Variants in UGT2A1 observed in about 807,000 individuals in gnomAD.
UGT2A1 encodes UDP-glucuronosyltransferase 2A1.
A neutral mutation model predicts 45.4 loss-of-function variants in UGT2A1; 61 were observed. The ratio of observed to expected loss-of-function variants is 1.34; its 90% confidence interval spans 1.09 to 1.66. The LOEUF (loss-of-function observed/expected upper bound fraction) is 1.66, where lower values mean the gene tolerates loss of function less well. Among genes scored for constraint, UGT2A1 ranks in the 40% most tolerant of loss-of-function variants. The probability of loss-of-function intolerance (pLI) is 0.00; values close to 1 mark genes in which losing one functional copy is unlikely to be tolerated. For missense variants in UGT2A1, 649 were observed against 574.3 expected (o/e 1.13, Z -1.33); for synonymous variants, 229 against 196.2 (o/e 1.17, Z -1.40).
intron 3 of UGT2A1, among the ~76,000 whole-genome samples, chr4:69,608,679 C>CA (rs755242626): frequency 2.6e-5 from 4 of 151,846 alleles, no homozygotes; most frequent in Non-Finnish European, 4.4e-5. Flanking sequence ...AAAATACACA[C>CA]AAAAAATAAT....
chr4:69,620,486 A>C (rs1369004371), intron 3 of UGT2A1, among the ~76,000 whole-genome samples: 1 of 152,054 alleles, frequency 6.6e-6, no homozygotes, highest in Non-Finnish European at 1.5e-5. Flanking sequence ...GAGATGACAC[A>C]AACAAATGAA....
chr4:69,620,697 A>T (rs1480860360), intron 3 of UGT2A1, among the ~76,000 whole-genome samples: 1 of 151,680 alleles, frequency 6.6e-6, no homozygotes, highest in African/African-American at 2.4e-5. Flanking sequence ...AATGCTAAAC[A>T]AAAAGAACGA....
chr4:69,608,382 G>A (rs1306185184), intron 3 of UGT2A1, among the ~76,000 whole-genome samples: 1 of 143,386 alleles, frequency 7.0e-6, no homozygotes, highest in Non-Finnish European at 1.5e-5. Flanking sequence ...AGAACATATG[G>A]ACACAGGAAG....
chr4:69,617,784 A>C (rs1421926785), intron 3 of UGT2A1, among the ~76,000 whole-genome samples: 1 of 151,862 alleles, frequency 6.6e-6, no homozygotes, highest in Non-Finnish European at 1.5e-5. Flanking sequence ...GGATTTTCTG[A>C]TGTAATTTTC....
intron 3 of UGT2A1, 123 bp downstream of exon 3, chr4:69,635,568 G>A (rs1431521925): frequency 6.0e-6 from 1 of 166,848 alleles, no homozygotes; most frequent in African/African-American, 2.4e-5. Context: ...TGTGGCTCAA[G>A]CCTGTAATCC....
At chr4:69,605,657 C>A (rs910036225) in intron 3 of UGT2A1, among the ~76,000 whole-genome samples, 1 of 135,450 alleles carries the variant, frequency 7.4e-6, no homozygotes, top group Admixed American at 7.3e-5. Flanking sequence ...AAAGATCAAC[C>A]AAACTGATAG....
Position 69,621,827 on chromosome 4 carries a change from AG to A in UGT2A1, c.847+13863del, listed in dbSNP as rs766291542. 3.7e-4 allele frequency among the ~76,000 whole-genome samples: 56 copies of A among 152,110 alleles called. 1 individual carries two copies. The highest frequency in any genetic ancestry group is 7.1e-4 in the Non-Finnish European group (48 of 67,952). On this transcript the variant is annotated intron_variant, in intron 3 of 6. Coordinates refer to ENST00000286604, the MANE Select transcript of UGT2A1 (RefSeq NM_001252275.3). ...CATAGAAAACTACACAGCCATAAAA[AG>A]GAAAGAGAACATGTTTTTTGCAGGA...
intron 3 of UGT2A1, among the ~76,000 whole-genome samples, chr4:69,631,792 C>T (rs1288219620): frequency 2.6e-5 from 4 of 152,098 alleles, no homozygotes. Context: ...TCCACTGATG[C>T]TGGGATACCA....
chr4:69,650,422 G>A (rs1722468608), intron 1 of UGT2A1, among the ~76,000 whole-genome samples: 1 of 152,138 alleles, frequency 6.6e-6, no homozygotes. Flanking sequence ...ACATAATTTA[G>A]ATTTTAGAAT....
In UGT2A1 at chr4:69,613,080, T is replaced by C. The variant is rs577492713; in HGVS notation, c.848-13686A>G. On this transcript the variant is annotated intron_variant, in intron 3 of 6. Transcript: ENST00000286604. ...AAAAAAGACAGGCAAAAGACATGAA[T>C]AGACACTTCACAAAAGAAGACATAC... 7.9e-5 allele frequency among the ~76,000 whole-genome samples: 12 copies of C among 151,736 alleles called. No homozygotes were observed. In the South Asian group the frequency reaches 2.1e-3, roughly 26 times the overall value.
chr4:69,588,429 T>C lies in UGT2A1; in HGVS notation c.*943A>G, dbSNP rs1718376593. 6.6e-6 allele frequency: 1 copy of C among 152,114 alleles called. No homozygotes were observed. The highest frequency in any genetic ancestry group is 1.5e-5 in the Non-Finnish European group (1 of 67,982). 9.4% of individuals were successfully genotyped at this position (152,114 alleles called of 1,614,324 possible). A position where few individuals can be genotyped will look rare whatever the true frequency, so the allele number is the denominator to read the frequency against. ...TAATGCAATGATATCAAATTCCAAGTAAGCATTTTTTATTTTTTGGCATAA... is the reference window on the plus strand; with the variant it reads ...TAATGCAATGATATCAAATTCCAAGCAAGCATTTTTTATTTTTTGGCATAA... On this transcript the variant is annotated 3_prime_UTR_variant, in exon 7 of 7. Coordinates refer to ENST00000286604, the MANE Select transcript of UGT2A1 (RefSeq NM_001252275.3).
intron 2 of UGT2A1, among the ~76,000 whole-genome samples, chr4:69,638,154 C>G (rs1721824252): frequency 6.6e-6 from 1 of 152,130 alleles, no homozygotes; most frequent in African/African-American, 2.4e-5. Context: ...GTAGCATCAT[C>G]TGTTAATTCC....
chr4:69,623,769 A>G (rs1236554401), intron 3 of UGT2A1, among the ~76,000 whole-genome samples: 2 of 151,494 alleles, frequency 1.3e-5, no homozygotes, highest in African/African-American at 2.4e-5. Flanking sequence ...TAATTTAAAT[A>G]AAACCTTTGA....
chr4:69,619,820 T>C (rs1295404258), intron 3 of UGT2A1, among the ~76,000 whole-genome samples: 1 of 152,048 alleles, frequency 6.6e-6, no homozygotes, highest in Non-Finnish European at 1.5e-5. Context: ...CAAATAGGCT[T>C]TATCTGCAGA....
Position 69,589,316 on chromosome 4 carries a change from C to T in UGT2A1, c.*56G>A, listed in dbSNP as rs1718442522. ...CTTTTGTCTGGAATTAATAGGACTA[C>T]ACTACTCAGGATTTTGCCAAACTTA... On this transcript the variant is annotated 3_prime_UTR_variant, in exon 7 of 7. Transcript: ENST00000286604. 2 of 1,502,832 alleles carry T rather than the reference C, an allele frequency of 1.3e-6. No homozygotes were observed. The highest frequency in any genetic ancestry group is 1.4e-5 in the South Asian group (1 of 73,504). The allele number at this position is 1,502,832 out of a possible 1,614,324, so 93.1% of individuals were successfully genotyped here.
chr4:69,641,621 A>T (rs538604535), intron 2 of UGT2A1, among the ~76,000 whole-genome samples: 1 of 151,882 alleles, frequency 6.6e-6, no homozygotes, highest in African/African-American at 2.4e-5. Context: ...GCTTAAATTT[A>T]GATGTACTTT....
chr4:69,589,768 T>C (rs1308412186), intron 6 of UGT2A1, 117 bp from the exon 7 acceptor site: 1 of 1,390,136 alleles, frequency 7.2e-7, no homozygotes, highest in South Asian at 1.5e-5. Flanking sequence ...GTGGAGAAAA[T>C]ATAATTCTTG....
chr4:69,594,479 AG>A lies in UGT2A1; in HGVS notation c.1301del (p.Pro434LeufsTer8). On this transcript the variant is annotated frameshift_variant, in exon 6 of 7. Transcript: ENST00000286604. LOFTEE classifies it high-confidence loss of function. ...LSALRTVINE[P>X]SYKENAMRLS... ...TTTTTAGGAGCCTTAGTACTTACGA[AG>A]GTTCATTAATGACTGTTCTCAAAGC... 1 of 1,614,104 alleles carries A rather than the reference AG, an allele frequency of 6.2e-7. No homozygotes were observed. Among genetic ancestry groups the A allele is most frequent in the South Asian group, 1.1e-5 (1 of 91,056 alleles).
At chr4:69,629,446 G>T (rs899594859) in intron 3 of UGT2A1, among the ~76,000 whole-genome samples, 4 of 151,990 alleles carry the variant, frequency 2.6e-5, no homozygotes, top group Non-Finnish European at 5.9e-5. Context: ...TATATCTGAG[G>T]TCTTGGTCCA....
Sources: gnomAD v4.1 joint callset for allele counts (sites outside exome capture counted in the v4.1 genomes callset) on GRCh38, gnomAD v4.1.1 for gene constraint, MANE v1.5 for transcripts, NCBI Gene and HGNC (gene_info 2026-07-23, HGNC 2026-07-21) for gene names.